The following USP24 variants were observed in gnomAD, a reference collection of about 807,000 sequenced individuals.
USP24 encodes ubiquitin carboxyl-terminal hydrolase 24.
A neutral mutation model predicts 361.6 loss-of-function variants in USP24; 97 were observed. That is an observed-to-expected ratio of 0.27 (90% confidence interval 0.23 to 0.32). The LOEUF is 0.32. Ranked by LOEUF, USP24 falls within the 10% of genes least tolerant of loss-of-function variation. The probability of loss-of-function intolerance (pLI) is 1.00; values close to 1 mark genes in which losing one functional copy is unlikely to be tolerated. For synonymous variants in USP24, 1,098 were observed against 1,124.6 expected (o/e 0.98, Z 0.47); for missense variants, 2,353 against 3,165.6 (o/e 0.74, Z 6.16).
chr1:55,123,653 A>G, intron 35 of USP24, 51 bp from the exon 36 acceptor site: 1 of 1,490,102 alleles, frequency 6.7e-7, no homozygotes, highest in Non-Finnish European at 9.0e-7. Context: ...GAACTATGCA[A>G]TATTTTAATC....
At chr1:55,153,825 T>C in intron 16 of USP24, 45 bp downstream of exon 16, 1 of 1,490,722 alleles carries the variant, frequency 6.7e-7, no homozygotes, top group Non-Finnish European at 9.1e-7. Flanking sequence ...AAGGAAATTA[T>C]TAAACTAGTA....
At chr1:55,110,157 C>T (rs1645908342) in intron 39 of USP24, 28 bp downstream of exon 39, 1 of 1,524,624 alleles carries the variant, frequency 6.6e-7, no homozygotes, top group Non-Finnish European at 8.8e-7. Flanking sequence ...CCCAGCCCCT[C>T]TCCCCTACAT....
chr1:55,137,329 AAGG>A (rs1264353241), intron 28 of USP24, among the ~76,000 whole-genome samples, 183 bp downstream of exon 28: 1 of 152,222 alleles, frequency 6.6e-6, no homozygotes, highest in Non-Finnish European at 1.5e-5. Flanking sequence ...CTGATTTTGG[AAGG>A]AGAATGGGGC....
At chr1:55,157,106 A>C in intron 11 of USP24, 55 bp from the exon 12 acceptor site, 1 of 1,476,194 alleles carries the variant, frequency 6.8e-7, no homozygotes, top group Admixed American at 1.8e-5. Flanking sequence ...TGACTCTCTA[A>C]ATATAATTCT....
At chr1:55,146,815 C>T in intron 19 of USP24, 114 bp downstream of exon 19, 1 of 1,255,344 alleles carries the variant, frequency 8.0e-7, no homozygotes, top group East Asian at 2.7e-5. Flanking sequence ...GTTCTTGGCC[C>T]ATACTATTTA....
chr1:55,117,119 T>C (rs972636020), intron 38 of USP24, among the ~76,000 whole-genome samples: 1 of 152,180 alleles, frequency 6.6e-6, no homozygotes, highest in Admixed American at 6.5e-5. Context: ...AAAAAGCATT[T>C]GATAAAATTT....
chr1:55,181,226 A>C lies in USP24; in HGVS notation c.325-3094T>G, dbSNP rs138596321. On this transcript the variant is annotated intron_variant, in intron 1 of 67. Coordinates refer to ENST00000294383, the MANE Select transcript of USP24 (RefSeq NM_015306.3). The stretch of plus-strand genomic sequence containing the variant: ...AACTAACTTCAATGCCATATCAATG[A>C]TATCTAAAGAAATCCAACACATTTC... Among the ~76,000 whole-genome samples the C allele has an allele frequency of 6.6e-3, 1,008 of 152,320 alleles. 15 individuals carry two copies. The highest frequency in any genetic ancestry group is 0.023 in the African/African-American group (956 of 41,572).
At position 55,125,521 on chromosome 1, in the gene USP24, G is replaced by C; in HGVS notation, c.3759C>G (p.Pro1253=). 6.2e-7 allele frequency: 1 copy of C among 1,613,672 alleles called. No individual in the cohort carries two copies. Among genetic ancestry groups the C allele is most frequent in the Non-Finnish European group, 8.5e-7 (1 of 1,179,672 alleles). ...ARFLLVGQTM[P]TLLDEDLTKD... is the part of the protein sequence containing the mutation. ...TGGTGAGGTCTTCATCTAATAACGT[G>C]GGCATTGTTTGTCCGACAAGTAAAA... The change falls in exon 34 of 68, where the codon CCC becomes CCG. Residue 1253 remains proline (P), a synonymous_variant. Transcript: ENST00000294383.
intron 1 of USP24, among the ~76,000 whole-genome samples, chr1:55,195,842 C>T (rs1346262508): frequency 6.6e-6 from 1 of 151,964 alleles, no homozygotes; most frequent in Non-Finnish European, 1.5e-5. Context: ...TTCAGATTTG[C>T]AAGATGAAAA....
intron 7 of USP24, 36 bp downstream of exon 7, chr1:55,165,849 A>T (rs900081013): frequency 2.0e-6 from 3 of 1,533,902 alleles, no homozygotes; most frequent in Non-Finnish European, 2.7e-6. Context: ...AGTGAAATGA[A>T]TTTCCACAGT....
chr1:55,196,568 T>C (rs1644425112), intron 1 of USP24, among the ~76,000 whole-genome samples: 1 of 152,172 alleles, frequency 6.6e-6, no homozygotes, highest in East Asian at 1.9e-4. Flanking sequence ...ATGGTTTAAG[T>C]GCTATCTCTA....
intron 48 of USP24, 151 bp downstream of exon 48, chr1:55,097,447 A>T: frequency 8.2e-7 from 1 of 1,225,148 alleles, no homozygotes; most frequent in South Asian, 1.7e-5. Flanking sequence ...CTATTCCGGT[A>T]ACAGCAGCTG....
At chr1:55,150,572 C>G (rs1319135384) in intron 16 of USP24, among the ~76,000 whole-genome samples, 1 of 152,138 alleles carries the variant, frequency 6.6e-6, no homozygotes, top group East Asian at 1.9e-4. Flanking sequence ...TAAATATGAA[C>G]TCTTCAGCAA....
intron 12 of USP24, 52 bp downstream of exon 12, chr1:55,156,896 C>T (rs1647723484): frequency 7.5e-7 from 1 of 1,341,168 alleles, no homozygotes; most frequent in Non-Finnish European, 1.1e-6. Context: ...TTTTCGCTCT[C>T]CTGTAGTCCA....
chr1:55,079,472 C>T (rs1371875385), intron 60 of USP24, 66 bp downstream of exon 60: 30 of 1,540,446 alleles, frequency 1.9e-5, no homozygotes, highest in South Asian at 3.9e-5. Flanking sequence ...AAACATAACT[C>T]GTAACAAAAA....
chr1:55,110,564 A>C lies in USP24; in HGVS notation c.4509-318T>G, dbSNP rs901911522. On this transcript the variant is annotated intron_variant, in intron 38 of 67. Coordinates refer to ENST00000294383, the MANE Select transcript of USP24 (RefSeq NM_015306.3). ...TTTACATTTCAACCAGTATCTACTA[A>C]GCACCTACAAATGCCTGGAACTGTT... 2.0e-5 allele frequency among the ~76,000 whole-genome samples: 3 copies of C among 152,328 alleles called. No homozygotes were observed. The South Asian group carries it at 6.2e-4, about 32-fold the overall frequency.
At position 55,147,744 on chromosome 1, in the gene USP24, T is replaced by A; in HGVS notation, c.2023A>T (p.Ser675Cys). Reference protein sequence around the residue: ...NFEIVKLVTGSLIACHRLAAA... With the variant: ...NFEIVKLVTGCLIACHRLAAA... ...GCAAGCCGATGACAAGCGATCAAAC[T>A]TCCCGTTACCAATTTCACTATTTCA... Residue 675 changes from serine (S) to cysteine (C), a missense_variant, in exon 18 of 68, where the codon AGT becomes TGT. Ser to Cys is a moderately radical substitution (Grantham distance 112, BLOSUM62 -1). Transcript: ENST00000294383. 2 of 1,612,900 alleles carry A rather than the reference T, an allele frequency of 1.2e-6. No individual in the cohort carries two copies. The highest frequency in any genetic ancestry group is 1.1e-5 in the South Asian group (1 of 90,932).
chr1:55,144,055 CTT>C (rs201656425), intron 21 of USP24, 70 bp downstream of exon 21: 72 of 1,083,566 alleles, frequency 6.6e-5, no homozygotes, highest in Middle Eastern at 2.2e-4. Flanking sequence ...AATTATAACA[CTT>C]TTTTTTTTGC....
chr1:55,182,341 T>C (rs746509199), intron 1 of USP24, among the ~76,000 whole-genome samples: 10 of 151,936 alleles, frequency 6.6e-5, no homozygotes, highest in Non-Finnish European at 1.5e-4. Flanking sequence ...GCGTGAGCCA[T>C]TGCGCCCGGC....
Sources: gnomAD v4.1 joint callset for allele counts (sites outside exome capture counted in the v4.1 genomes callset) on GRCh38, gnomAD v4.1.1 for gene constraint, MANE v1.5 for transcripts, NCBI Gene and HGNC (gene_info 2026-07-23, HGNC 2026-07-21) for gene names.